Variants in CADPS2 observed in about 807,000 individuals in gnomAD.
CADPS2 encodes calcium dependent secretion activator 2.
CADPS2 carries 93 observed loss-of-function variants against 172.5 expected under a neutral mutation model. The ratio of observed to expected loss-of-function variants is 0.54; its 90% confidence interval spans 0.46 to 0.64. The LOEUF is 0.64. Among genes scored for constraint, CADPS2 ranks in the 30% least tolerant of loss-of-function variants. The probability of loss-of-function intolerance (pLI) is 0.00; values close to 1 mark genes in which losing one functional copy is unlikely to be tolerated. For synonymous variants in CADPS2, 546 were observed against 555.2 expected (o/e 0.98, Z 0.23); for missense variants, 1,420 against 1,565.9 (o/e 0.91, Z 1.57).
At chr7:122,719,142 G>T (rs1445657565) in intron 2 of CADPS2, among the ~76,000 whole-genome samples, 1 of 151,986 alleles carries the variant, frequency 6.6e-6, no homozygotes, top group Non-Finnish European at 1.5e-5. Flanking sequence ...GGAGGAGGGA[G>T]CCATGGGCAT....
intron 7 of CADPS2, among the ~76,000 whole-genome samples, chr7:122,567,657 T>C (rs1312258204): frequency 6.6e-6 from 1 of 152,112 alleles, no homozygotes; most frequent in African/African-American, 2.4e-5. Context: ...AAAAGTACAA[T>C]GTACAATGCA....
At chr7:122,567,734 A>G (rs1458195342) in intron 7 of CADPS2, among the ~76,000 whole-genome samples, 4 of 152,280 alleles carry the variant, frequency 2.6e-5, no homozygotes, top group African/African-American at 7.2e-5. Flanking sequence ...TTAAATATAC[A>G]TTAAATGTTA....
chr7:122,808,047 A>G (rs1359130207), intron 1 of CADPS2, among the ~76,000 whole-genome samples: 1 of 152,194 alleles, frequency 6.6e-6, no homozygotes, highest in Non-Finnish European at 1.5e-5. Flanking sequence ...CTGAAGCCTC[A>G]GCACTTGCCA....
chr7:122,540,330 C>T (rs191161601), intron 8 of CADPS2, among the ~76,000 whole-genome samples: 3 of 152,054 alleles, frequency 2.0e-5, no homozygotes, highest in Non-Finnish European at 2.9e-5. Context: ...AAAAGGAATA[C>T]TAAGTTTTAA....
intron 2 of CADPS2, among the ~76,000 whole-genome samples, 154 bp downstream of exon 2, chr7:122,736,801 T>G (rs1220385223): frequency 6.6e-6 from 1 of 152,200 alleles, no homozygotes; most frequent in Non-Finnish European, 1.5e-5. Flanking sequence ...GCTTTTAAAT[T>G]GCTAAATAGA....
intron 1 of CADPS2, among the ~76,000 whole-genome samples, chr7:122,764,145 C>T (rs1360505532): frequency 6.6e-6 from 1 of 152,122 alleles, no homozygotes; most frequent in Non-Finnish European, 1.5e-5. Flanking sequence ...TGCTTCTACA[C>T]AGCTTCTTCT....
At chr7:122,669,151 C>T (rs1050836296) in intron 2 of CADPS2, among the ~76,000 whole-genome samples, 14 of 151,876 alleles carry the variant, frequency 9.2e-5, no homozygotes, top group Admixed American at 7.2e-4. Context: ...GGAAACATGG[C>T]GAAACCCTGC....
chr7:122,363,530 G>A (rs953472195), intron 25 of CADPS2, among the ~76,000 whole-genome samples: 4 of 150,864 alleles, frequency 2.7e-5, no homozygotes, highest in Admixed American at 6.6e-5. Context: ...GAGGCAGGGA[G>A]CCTGTTGATG....
chr7:122,712,607 C>T (rs929854242), intron 2 of CADPS2, among the ~76,000 whole-genome samples: 5 of 151,932 alleles, frequency 3.3e-5, no homozygotes, highest in South Asian at 2.1e-4. Context: ...TATGATAATA[C>T]GCTAAATAAG....
intron 1 of CADPS2, among the ~76,000 whole-genome samples, chr7:122,863,665 C>A (rs1346112679): frequency 6.6e-6 from 1 of 152,160 alleles, no homozygotes; most frequent in Non-Finnish European, 1.5e-5. Context: ...TGTAGCTGTG[C>A]AGACAAATGT....
rs543923706 is a variant in CADPS2 at position 122,784,052 on chromosome 7, G to A, written c.340-46984C>T. 2.1e-3 allele frequency among the ~76,000 whole-genome samples: 313 copies of A among 152,056 alleles called. 2 individuals are homozygous for A. Among genetic ancestry groups the A allele is most frequent in the South Asian group, 0.011 (52 of 4,812 alleles). On this transcript the variant is annotated intron_variant, in intron 1 of 29. Transcript: ENST00000449022. Reference sequence around the variant, plus strand: ...AGTGTTTCATTCCATTAGTAGTCACGTCTATTTAATTCTTCTTAAAATTAA... The same window carrying A: ...AGTGTTTCATTCCATTAGTAGTCACATCTATTTAATTCTTCTTAAAATTAA...
chr7:122,860,020 T>G (rs1389765426), intron 1 of CADPS2, among the ~76,000 whole-genome samples: 2 of 152,074 alleles, frequency 1.3e-5, no homozygotes, highest in Non-Finnish European at 2.9e-5. Context: ...AAAAGGATGA[T>G]CAGAAAATTC....
intron 8 of CADPS2, among the ~76,000 whole-genome samples, chr7:122,515,818 TAAAAA>T (rs989544431): frequency 7.0e-6 from 1 of 143,086 alleles, no homozygotes; most frequent in African/African-American, 2.7e-5. Flanking sequence ...AAAAGTATAA[TAAAAA>T]AATTAATTAA....
chr7:122,825,463 T>G (rs1049844741), intron 1 of CADPS2, among the ~76,000 whole-genome samples: 6 of 151,662 alleles, frequency 4.0e-5, no homozygotes, highest in Admixed American at 3.9e-4. Context: ...GAGGGAGAGA[T>G]AAAATTAAAA....
chr7:122,583,690 T>C (rs2069180174), intron 6 of CADPS2, among the ~76,000 whole-genome samples: 1 of 151,236 alleles, frequency 6.6e-6, no homozygotes, highest in Non-Finnish European at 1.5e-5. Context: ...TATACGTATA[T>C]ACATATGTCC....
chr7:122,322,311 G>C (rs560665786), intron 29 of CADPS2, among the ~76,000 whole-genome samples: 1 of 152,216 alleles, frequency 6.6e-6, no homozygotes, highest in Non-Finnish European at 1.5e-5. Context: ...GATTTGAATT[G>C]TGGATCTGCA....
intron 1 of CADPS2, among the ~76,000 whole-genome samples, chr7:122,766,880 T>G (rs1397368689): frequency 1.3e-5 from 2 of 152,116 alleles, no homozygotes; most frequent in African/African-American, 4.8e-5. Context: ...TAACACATTC[T>G]CATATTCTTC....
intron 3 of CADPS2, among the ~76,000 whole-genome samples, chr7:122,652,704 T>C (rs1384202350): frequency 2.0e-5 from 3 of 152,186 alleles, no homozygotes; most frequent in Admixed American, 6.5e-5. Context: ...TTTTGTTCTA[T>C]GAATGCGCAC....
At chr7:122,790,175 T>C (rs1794977947) in intron 1 of CADPS2, among the ~76,000 whole-genome samples, 1 of 151,834 alleles carries the variant, frequency 6.6e-6, no homozygotes, top group African/African-American at 2.4e-5. Flanking sequence ...GGCAGGAGGA[T>C]TGCTTGAAGA....
Sources: gnomAD v4.1 joint callset for allele counts (sites outside exome capture counted in the v4.1 genomes callset) on GRCh38, gnomAD v4.1.1 for gene constraint, MANE v1.5 for transcripts, NCBI Gene and HGNC (gene_info 2026-07-23, HGNC 2026-07-21) for gene names.